DMXL1: variants seen among roughly 807,000 people sequenced by gnomAD.
The protein encoded by DMXL1 is Dmx like 1, also known as dmX-like protein 1.
DMXL1 carries 99 observed loss-of-function variants against 319.2 expected under a neutral mutation model. The observed-to-expected ratio is 0.31, with a 90% CI of 0.26 to 0.37. DMXL1 has a LOEUF of 0.37. Among genes scored for constraint, DMXL1 ranks in the 10% least tolerant of loss-of-function variants. The pLI is 1.00. For synonymous variants in DMXL1, 1,385 were observed against 1,235.2 expected (o/e 1.12, Z -2.54); for missense variants, 3,745 against 3,595.6 (o/e 1.04, Z -1.06).
chr5:119,099,789 G>A (rs1013153872), intron 2 of DMXL1, among the ~76,000 whole-genome samples: 4 of 152,214 alleles, frequency 2.6e-5, no homozygotes, highest in Middle Eastern at 3.4e-3. Flanking sequence ...AATCGCTTGA[G>A]ACCAGAAGTT....
intron 38 of DMXL1, among the ~76,000 whole-genome samples, chr5:119,229,040 C>T (rs765909407): frequency 5.6e-5 from 8 of 142,574 alleles, no homozygotes; most frequent in Non-Finnish European, 9.1e-5. Flanking sequence ...CTCGGCTGGG[C>T]GCGGTGACTC....
chr5:119,171,553 G>A (rs1204727511), intron 24 of DMXL1, among the ~76,000 whole-genome samples: 1 of 148,010 alleles, frequency 6.8e-6, no homozygotes, highest in Non-Finnish European at 1.5e-5. Context: ...TATTGCAAGA[G>A]GATATTGTCT....
intron 13 of DMXL1, among the ~76,000 whole-genome samples, chr5:119,139,704 T>C (rs891676342): frequency 2.6e-5 from 4 of 152,160 alleles, no homozygotes; most frequent in Non-Finnish European, 4.4e-5. Flanking sequence ...AATGTCAGTA[T>C]TAGACAGCTC....
chr5:119,134,360 T>G lies in DMXL1; in HGVS notation c.2347T>G (p.Leu783Val). The G allele has an allele frequency of 6.2e-7, 1 of 1,612,818 alleles. No individual in the cohort carries two copies. The change falls in exon 13 of 44, where the codon TTA (leucine) becomes GTA (valine). Residue 783 changes from leucine to valine, a missense_variant. Physicochemically the swap from Leu to Val is conservative, Grantham distance 32. Coordinates refer to ENST00000539542, the MANE Select transcript of DMXL1 (RefSeq NM_001290321.3). Reference sequence around the variant, plus strand: ...AGCAGTTATTGATGCTAAGAAACTTTTATCTGAGCTTTCTAACCCTGAAAT... The same window carrying G: ...AGCAGTTATTGATGCTAAGAAACTTGTATCTGAGCTTTCTAACCCTGAAAT... Reference protein sequence around the residue: ...YEAVIDAKKLLSELSNPEISK... With the variant: ...YEAVIDAKKLVSELSNPEISK...
chr5:119,244,526 G>C lies in DMXL1; in HGVS notation c.8872G>C (p.Asp2958His), dbSNP rs1385541537. The C allele has an allele frequency of 1.2e-6, 2 of 1,614,108 alleles. No individual in the cohort carries two copies. Among genetic ancestry groups the C allele is most frequent in the South Asian group, 2.2e-5 (2 of 91,066 alleles). Residue 2958 changes from aspartate to histidine, a missense_variant, in exon 43 of 44, where the codon GAT becomes CAT. Asp to His is a moderately conservative substitution (Grantham distance 81, BLOSUM62 -1). Around this residue, in one of 4 missense-constraint regions of DMXL1, gnomAD observed 262 missense variants for 320.5 expected, o/e 0.82. Transcript: ENST00000539542. ...HDSPVKAVAV[D>H]PTEEYFVTGS... The stretch of plus-strand genomic sequence containing the variant: ...TTCTCCTGTTAAAGCCGTTGCTGTT[G>C]ATCCAACTGAAGAGTACTTTGTTAC...
chr5:119,196,661 A>G (rs1165717248), intron 31 of DMXL1, among the ~76,000 whole-genome samples: 1 of 152,130 alleles, frequency 6.6e-6, no homozygotes, highest in Non-Finnish European at 1.5e-5. Context: ...CATCCAAGAA[A>G]TCAAGGGCAC....
chr5:119,133,135 CTGA>C lies in DMXL1; in HGVS notation c.1325_1327del (p.Asp442del). Reference sequence around the variant, plus strand: ...TCATGAACTCTTTTGCTTATAGAAACTGATGATGGTGTTGATGATCTGAAAATA... The same window carrying C: ...TCATGAACTCTTTTGCTTATAGAAACTGATGGTGTTGATGATCTGAAAATA... On this transcript the variant is annotated inframe_deletion, in exon 11 of 44. Transcript: ENST00000539542. 6.2e-7 allele frequency: 1 copy of C among 1,613,790 alleles called. No homozygotes were observed. Among genetic ancestry groups the C allele is most frequent in the Non-Finnish European group, 8.5e-7 (1 of 1,179,808 alleles).
At chr5:119,197,617 A>G in intron 31 of DMXL1, 138 bp from the exon 32 acceptor site, 2 of 780,046 alleles carry the variant, frequency 2.6e-6, no homozygotes, top group Non-Finnish European at 2.0e-6. Flanking sequence ...CTTCCCTGCC[A>G]AAGTGTATGT....
chr5:119,241,498 G>C lies in DMXL1; in HGVS notation c.8704+1027G>C, dbSNP rs1291725983. ...TGCAGTGAGCTGAGATGGAGCCACT[G>C]CTCTCCAGCCTGGGCGACAGAGCAA... On this transcript the variant is annotated intron_variant, in intron 42 of 43. Transcript: ENST00000539542. Among the ~76,000 whole-genome samples the C allele has an allele frequency of 4.8e-5, 7 of 145,254 alleles. 1 individual carries two copies. In the South Asian group the frequency reaches 1.5e-3, roughly 31 times the overall value.
At chr5:119,145,899 T>G (rs1768411180) in intron 15 of DMXL1, among the ~76,000 whole-genome samples, 1 of 151,736 alleles carries the variant, frequency 6.6e-6, no homozygotes, top group South Asian at 2.1e-4. Flanking sequence ...ATTGGAGCAT[T>G]TTTTGTTGTT....
chr5:119,129,250 A>G lies in DMXL1; in HGVS notation c.1142A>G (p.Asn381Ser). The G allele has an allele frequency of 6.2e-7, 1 of 1,613,402 alleles. No individual in the cohort carries two copies. Among genetic ancestry groups the G allele is most frequent in the African/African-American group, 1.3e-5 (1 of 75,014 alleles). ...LLPSITSLSL[N>S]ENEEKTGPFV... ...CCATCTATTACATCTCTGAGTCTAA[A>G]TGAAAATGAAGAGAAGACCGGACCT... The change falls in exon 10 of 44, where the codon AAT becomes AGT. Residue 381 changes from asparagine (N) to serine (S), a missense_variant. Asn to Ser is a conservative substitution (Grantham distance 46). Transcript: ENST00000539542.
intron 14 of DMXL1, 77 bp downstream of exon 14, chr5:119,144,007 T>A (rs1767985345): frequency 2.2e-6 from 2 of 908,726 alleles, no homozygotes; most frequent in African/African-American, 1.7e-5. Flanking sequence ...TATATATTAA[T>A]GTAATTTGAA....
At chr5:119,242,990 G>C (rs534995788) in intron 42 of DMXL1, among the ~76,000 whole-genome samples, 1 of 152,140 alleles carries the variant, frequency 6.6e-6, no homozygotes, top group East Asian at 1.9e-4. Flanking sequence ...CAAAATAATA[G>C]AACTTCTGGA....
Position 119,204,507 on chromosome 5 carries a change from A to G in DMXL1, c.7863+1071A>G, listed in dbSNP as rs375923480. 1.1e-3 allele frequency among the ~76,000 whole-genome samples: 160 copies of G among 151,606 alleles called. 2 individuals are homozygous for G. Among genetic ancestry groups the G allele is most frequent in the African/African-American group, 3.8e-3 (156 of 41,346 alleles). ...AAATTAATGAAATTTTACAAACCCAAATTAACCTGTAGTGTAACTGGTTGC... is the reference window on the plus strand; with the variant it reads ...AAATTAATGAAATTTTACAAACCCAGATTAACCTGTAGTGTAACTGGTTGC... On this transcript the variant is annotated intron_variant, in intron 33 of 43. Coordinates refer to ENST00000539542, the MANE Select transcript of DMXL1 (RefSeq NM_001290321.3).
At chr5:119,225,686 T>C (rs78146145) in intron 38 of DMXL1, among the ~76,000 whole-genome samples, 4,237 of 152,226 alleles carry the variant, frequency 0.028, 186 homozygotes, top group African/African-American at 0.096. Flanking sequence ...TTGTGTACGC[T>C]GTACGAAACA....
intron 2 of DMXL1, among the ~76,000 whole-genome samples, chr5:119,100,865 C>T (rs886690669): frequency 2.0e-5 from 3 of 148,802 alleles, no homozygotes; most frequent in East Asian, 2.0e-4. Flanking sequence ...CTGCAAGCTC[C>T]GCCTCCCGGG....
At chr5:119,182,352 C>T (rs919032352) in intron 28 of DMXL1, among the ~76,000 whole-genome samples, 1 of 152,042 alleles carries the variant, frequency 6.6e-6, no homozygotes, top group African/African-American at 2.4e-5. Flanking sequence ...AGATGAAATA[C>T]GTGCATATTG....
intron 6 of DMXL1, among the ~76,000 whole-genome samples, chr5:119,114,996 C>G (rs1760521326): frequency 6.6e-6 from 1 of 152,144 alleles, no homozygotes; most frequent in Non-Finnish European, 1.5e-5. Flanking sequence ...CAAAAATTGA[C>G]TCCATTATTG....
chr5:119,156,237 G>A (rs1771027276), intron 19 of DMXL1, among the ~76,000 whole-genome samples: 1 of 152,148 alleles, frequency 6.6e-6, no homozygotes, highest in South Asian at 2.1e-4. Flanking sequence ...ATTATGACTT[G>A]CTTAAGGCTC....
Sources: gnomAD v4.1 joint callset for allele counts (sites outside exome capture counted in the v4.1 genomes callset) on GRCh38, gnomAD v4.1.1 for gene constraint, gnomAD v4.1.1 regional missense constraint, MANE v1.5 for transcripts, NCBI Gene and HGNC (gene_info 2026-07-23, HGNC 2026-07-21) for gene names.